GPR143: variants seen among roughly 807,000 people sequenced by gnomAD.
The protein encoded by GPR143 is G-protein coupled receptor 143.
GPR143 carries 8 observed loss-of-function variants against 27.6 expected under a neutral mutation model. That is an observed-to-expected ratio of 0.29 (90% CI 0.17 to 0.52). The LOEUF (loss-of-function observed/expected upper bound fraction) is 0.52, where lower values mean the gene tolerates loss of function less well. Among genes scored for constraint, GPR143 ranks in the 20% least tolerant of loss-of-function variants. The pLI is 0.96. For synonymous variants in GPR143, 156 were observed against 153.2 expected (o/e 1.02, Z -0.13); for missense variants, 303 against 343.1 (o/e 0.88, Z 0.92).
chrX:9,747,257 G>A (rs2083433106), intron 4 of GPR143, among the ~76,000 whole-genome samples: 1 of 110,834 alleles, frequency 9.0e-6, no homozygotes, highest in South Asian at 3.9e-4. Context: ...AAGAGAGTGA[G>A]ACTGTGAGCA....
Position 9,739,654 on chromosome X carries a change from G to A in GPR143, c.951C>T (p.Ser317=). 8.3e-7 allele frequency: 1 copy of A among 1,197,822 alleles called. No individual in the cohort carries two copies. The highest frequency in any genetic ancestry group is 1.1e-6 in the Non-Finnish European group (1 of 888,144). The change falls in exon 8 of 9, where the codon AGC becomes AGT. Residue 317 remains serine, a synonymous_variant. Transcript: ENST00000467482. The part of the protein sequence containing the change: ...SLAFYGWTGC[S]LGFQSPRKEI... ...CCTTCCTGGGAGACTGAAAACCCAG[G>A]CTGCATCCTGTCCAGCCGTAGAAGG...
rs145159358 is a variant in GPR143, at chrX:9,750,376, AT to A, written c.456-1711del. Reference sequence around the variant, plus strand: ...AGGCATGCACCACCATGCCCAGCTAATTTTTTTTTTTTTTGTAGAGATGGGT... The same window carrying A: ...AGGCATGCACCACCATGCCCAGCTAATTTTTTTTTTTTTGTAGAGATGGGT... On this transcript the variant is annotated intron_variant, in intron 3 of 8. Transcript: ENST00000467482. Among the ~76,000 whole-genome samples the A allele has an allele frequency of 9.4e-3, 959 of 101,546 alleles. 2 individuals carry two copies. The highest frequency in any genetic ancestry group is 0.014 in the Non-Finnish European group (715 of 49,608). 88.2% of individuals were successfully genotyped at this position (101,546 alleles called of 115,157 possible).
At chrX:9,729,734 G>A (rs1174157973) in intron 8 of GPR143, among the ~76,000 whole-genome samples, 2 of 111,892 alleles carry the variant, frequency 1.8e-5, no homozygotes, top group Non-Finnish European at 3.8e-5. Context: ...TAACGTCCCT[G>A]CAGGAAATGC....
intron 6 of GPR143, 139 bp from the exon 7 acceptor site, chrX:9,741,594 G>T: frequency 2.2e-6 from 1 of 455,185 alleles, no homozygotes; most frequent in Non-Finnish European, 4.0e-6. Flanking sequence ...TCTGCAGTAA[G>T]AAACTAAGAG....
intron 8 of GPR143, among the ~76,000 whole-genome samples, chrX:9,726,484 G>A (rs1204622674): frequency 8.9e-6 from 1 of 111,754 alleles, no homozygotes; most frequent in Non-Finnish European, 1.9e-5. Context: ...TGGTAACTCT[G>A]TCAAATTGGG....
upstream of GPR143, among the ~76,000 whole-genome samples, chrX:9,769,497 G>T (rs2083545998): frequency 8.9e-6 from 1 of 112,488 alleles, no homozygotes; most frequent in African/African-American, 3.2e-5. Flanking sequence ...AGTAGAGGAG[G>T]TGGCTAGGGG....
chrX:9,732,969 A>G (rs1028342148), intron 8 of GPR143, among the ~76,000 whole-genome samples: 5 of 111,321 alleles, frequency 4.5e-5, no homozygotes, highest in African/African-American at 1.6e-4. Flanking sequence ...GAGAAACAGG[A>G]AATTCCTGGA....
At chrX:9,752,852 T>TAAGA (rs886246205) in intron 3 of GPR143, among the ~76,000 whole-genome samples, 1 of 106,493 alleles carries the variant, frequency 9.4e-6, no homozygotes, top group Admixed American at 1.0e-4. Flanking sequence ...CTATTAAAAA[T>TAAGA]AAGAAAGAAA....
chrX:9,767,268 T>A (rs2083538898), upstream of GPR143, among the ~76,000 whole-genome samples: 1 of 110,351 alleles, frequency 9.1e-6, no homozygotes, highest in African/African-American at 3.3e-5. Context: ...AAAATCCAGC[T>A]CCATCATATT....
chrX:9,743,047 C>T (rs1000937472), intron 6 of GPR143, among the ~76,000 whole-genome samples: 2 of 110,024 alleles, frequency 1.8e-5, no homozygotes, highest in Non-Finnish European at 3.8e-5. Context: ...GCGGAGGTTG[C>T]AGCGAGCTGA....
rs770228701 is a variant in GPR143, at chrX:9,763,099, G to T, written c.251-2273C>A. Reference sequence around the variant, plus strand: ...TCCCACCATGACGGGCCTTTTTTTTGTTGTTTTTTTTTTCTTGGGGGTAGA... The same window carrying T: ...TCCCACCATGACGGGCCTTTTTTTTTTTGTTTTTTTTTTCTTGGGGGTAGA... On this transcript the variant is annotated intron_variant, in intron 1 of 8. Transcript: ENST00000467482. Among the ~76,000 whole-genome samples the T allele has an allele frequency of 1.2e-4, 13 of 108,284 alleles. No homozygotes were observed. The East Asian group carries it at 1.4e-3, about 12-fold the overall frequency. 94.0% of individuals were successfully genotyped at this position (108,284 alleles called of 115,157 possible). A position where few individuals can be genotyped will look rare whatever the true frequency, so the allele number is the denominator to read the frequency against.
At chrX:9,726,452 T>G (rs897346265) in intron 8 of GPR143, among the ~76,000 whole-genome samples, 2 of 111,962 alleles carry the variant, frequency 1.8e-5, no homozygotes, top group Non-Finnish European at 3.8e-5. Context: ...AATGCCCAAC[T>G]AAATACACAG....
intron 3 of GPR143, among the ~76,000 whole-genome samples, chrX:9,756,990 G>A (rs1398462266): frequency 2.7e-5 from 3 of 112,676 alleles, no homozygotes; most frequent in African/African-American, 6.4e-5. Context: ...CAAAACAATG[G>A]AAGCACACAA....
At chrX:9,734,667 G>A (rs1425996446) in intron 8 of GPR143, among the ~76,000 whole-genome samples, 3 of 111,840 alleles carry the variant, frequency 2.7e-5, no homozygotes, top group East Asian at 2.8e-4. Context: ...TAGCACACTC[G>A]TCTTCCAGGA....
At chrX:9,726,014 G>C (rs763761437) in intron 8 of GPR143, 174 bp from the exon 9 acceptor site, 1 of 710,435 alleles carries the variant, frequency 1.4e-6, no homozygotes, top group Non-Finnish European at 1.7e-6. Context: ...AAGGTGGGAG[G>C]GGTGGAAATC....
intron 8 of GPR143, among the ~76,000 whole-genome samples, chrX:9,735,929 C>A (rs190404483): frequency 8.9e-6 from 1 of 111,898 alleles, no homozygotes; most frequent in East Asian, 2.8e-4. Flanking sequence ...CTTGACTTTA[C>A]GCACAGAAGT....
At chrX:9,740,665 C>T (rs1223685270) in intron 7 of GPR143, 3 of 287,834 alleles carry the variant, frequency 1.0e-5, no homozygotes. Flanking sequence ...CCAGTTAATA[C>T]CAGAGATTTC....
chrX:9,747,363 A>G (rs1416840869), intron 4 of GPR143, among the ~76,000 whole-genome samples: 1 of 111,363 alleles, frequency 9.0e-6, no homozygotes, highest in Non-Finnish European at 1.9e-5. Context: ...AGACCCTGGG[A>G]GCACCTCAAG....
intron 4 of GPR143, among the ~76,000 whole-genome samples, chrX:9,746,815 G>C (rs1318405549): frequency 9.2e-6 from 1 of 108,880 alleles, no homozygotes; most frequent in Non-Finnish European, 1.9e-5. Context: ...TAGGAGAGAA[G>C]CAAAATGGCA....
Sources: allele counts gnomAD v4.1 joint callset (sites outside exome capture counted in the v4.1 genomes callset), GRCh38; gene constraint gnomAD v4.1.1; transcripts MANE v1.5; gene names NCBI Gene and HGNC (gene_info 2026-07-23, HGNC 2026-07-21).